The following KIF26B variants were observed in gnomAD, a reference collection of about 807,000 sequenced individuals.
The protein encoded by KIF26B is kinesin-like protein KIF26B.
In KIF26B, 63 loss-of-function variants were observed where a neutral mutation model predicts 151.2. The ratio of observed to expected loss-of-function variants is 0.42; its 90% confidence interval spans 0.34 to 0.51. KIF26B has a LOEUF of 0.51. Ranked by LOEUF, KIF26B falls within the 20% of genes least tolerant of loss-of-function variation. The pLI, the probability that KIF26B is intolerant of heterozygous loss-of-function variation, is 0.07. For synonymous variants in KIF26B, 1,357 were observed against 1,262.1 expected (o/e 1.08, Z -1.59); for missense variants, 2,813 against 2,913.6 (o/e 0.97, Z 0.79).
chr1:245,444,176 AGT>A (rs1659194194), intron 4 of KIF26B, among the ~76,000 whole-genome samples: 1 of 146,106 alleles, frequency 6.8e-6, no homozygotes, highest in African/African-American at 2.6e-5. Flanking sequence ...GTTCACCTAG[AGT>A]GGTCATCTCC....
chr1:245,377,859 G>A (rs568989231), intron 3 of KIF26B, among the ~76,000 whole-genome samples: 1 of 152,242 alleles, frequency 6.6e-6, no homozygotes, highest in Admixed American at 6.5e-5. Flanking sequence ...AGTCGAGAGA[G>A]GGAGGGACGT....
Position 245,218,297 on chromosome 1 carries a change from C to G in KIF26B, c.465+61614C>G, listed in dbSNP as rs1296718143. On this transcript the variant is annotated intron_variant, in intron 2 of 14. Transcript: ENST00000407071. The surrounding 1 kb of genome is among the most constrained non-coding windows in gnomAD (Gnocchi z 4.1). ...CCCCTCAGCAGATGGATCCCATCTC[C>G]TGGTCTGGTTAGCATAAGATAAACA... Among the ~76,000 whole-genome samples, 1 of 152,180 alleles carries G rather than the reference C, an allele frequency of 6.6e-6. No homozygotes were observed. Among genetic ancestry groups the G allele is most frequent in the Non-Finnish European group, 1.5e-5 (1 of 68,036 alleles).
intron 2 of KIF26B, among the ~76,000 whole-genome samples, chr1:245,224,246 C>G (rs1194437823): frequency 1.3e-5 from 2 of 150,346 alleles, no homozygotes; most frequent in African/African-American, 4.9e-5. Context: ...GATTGCGCCA[C>G]TGCACTCCAG....
At chr1:245,316,610 C>T (rs983144169) in intron 2 of KIF26B, among the ~76,000 whole-genome samples, 1 of 151,980 alleles carries the variant, frequency 6.6e-6, no homozygotes. Context: ...TAGTTGTAGC[C>T]TGTTTCCTAT....
At chr1:245,494,173 G>A (rs186784767) in intron 4 of KIF26B, among the ~76,000 whole-genome samples, 16 of 152,278 alleles carry the variant, frequency 1.1e-4, no homozygotes, top group East Asian at 5.8e-4. Context: ...GGGCATGGTG[G>A]TGGGAGCCTG....
chr1:245,470,338 C>T (rs113747300), intron 4 of KIF26B, among the ~76,000 whole-genome samples: 1 of 152,070 alleles, frequency 6.6e-6, no homozygotes, highest in Non-Finnish European at 1.5e-5. Flanking sequence ...GAAAAGAAAG[C>T]AGTGGATTCA....
chr1:245,217,972 C>A (rs1222734019), intron 2 of KIF26B, among the ~76,000 whole-genome samples: 1 of 152,192 alleles, frequency 6.6e-6, no homozygotes, highest in Non-Finnish European at 1.5e-5. Context: ...GCCTGAGATT[C>A]ATCAACTGCT....
At chr1:245,458,037 C>T (rs1049203542) in intron 4 of KIF26B, among the ~76,000 whole-genome samples, 4 of 152,118 alleles carry the variant, frequency 2.6e-5, no homozygotes, top group African/African-American at 9.7e-5. Flanking sequence ...GTAAATGATG[C>T]CAGTTAATAT....
chr1:245,409,545 C>T (rs531857952), intron 3 of KIF26B, among the ~76,000 whole-genome samples: 1 of 152,280 alleles, frequency 6.6e-6, no homozygotes, highest in East Asian at 1.9e-4. Flanking sequence ...CCTCCTAGGC[C>T]CTGCGTATCG....
intron 2 of KIF26B, among the ~76,000 whole-genome samples, chr1:245,185,563 CT>C (rs1668985870): frequency 6.6e-6 from 1 of 152,354 alleles, no homozygotes; most frequent in East Asian, 1.9e-4. Flanking sequence ...ACACTGTGGT[CT>C]GTCTTTTCTC....
intron 4 of KIF26B, among the ~76,000 whole-genome samples, chr1:245,427,932 C>A (rs528559294): frequency 6.6e-6 from 1 of 152,278 alleles, no homozygotes; most frequent in African/African-American, 2.4e-5. Context: ...ATTCACAGAA[C>A]CAGGGCGCCC....
intron 4 of KIF26B, among the ~76,000 whole-genome samples, chr1:245,444,164 C>CTGTTCACCTAGAGTGGTCATCTCCCTCAT (rs1659193338): frequency 1.3e-5 from 2 of 150,416 alleles, no homozygotes; most frequent in African/African-American, 4.9e-5. Flanking sequence ...ATCTCCCTCA[C>CTGTTCACCTAGAGTGGTCATCTCCCTCAT]TGTTCACCTA....
chr1:245,391,670 AAAAG>A (rs1558148272), intron 3 of KIF26B, among the ~76,000 whole-genome samples: 3 of 151,984 alleles, frequency 2.0e-5, no homozygotes, highest in South Asian at 2.1e-4. Flanking sequence ...AAAAAAAAAA[AAAAG>A]AGAGAGATTT....
chr1:245,691,359 A>T (rs1010058689), intron 12 of KIF26B, among the ~76,000 whole-genome samples: 3 of 152,214 alleles, frequency 2.0e-5, no homozygotes, highest in Non-Finnish European at 4.4e-5. Flanking sequence ...GGAGGAAAAC[A>T]GTGTAAAATT....
chr1:245,580,297 C>G (rs1208219856), intron 5 of KIF26B, among the ~76,000 whole-genome samples: 1 of 152,180 alleles, frequency 6.6e-6, no homozygotes, highest in Non-Finnish European at 1.5e-5. Flanking sequence ...TCCTCCCTCT[C>G]CTTCCCCAAG....
intron 2 of KIF26B, among the ~76,000 whole-genome samples, chr1:245,362,110 G>A (rs766164179): frequency 1.4e-5 from 2 of 147,436 alleles, no homozygotes; most frequent in Admixed American, 1.3e-4. Context: ...AGAGAGTCTC[G>A]CGGTGAGAAA....
At position 245,688,230 on chromosome 1, in the gene KIF26B, C is replaced by A; in HGVS notation, c.5247C>A (p.Ser1749=). Residue 1749 remains serine, a synonymous_variant, in exon 12 of 15, where the codon TCC becomes TCA. Transcript: ENST00000407071. Reference sequence around the variant, plus strand: ...CCAGCCCCAGAGCGCGCGGCCCGTCCGCCTCCACCACCAAAACCCTCAGCT... The same window carrying A: ...CCAGCCCCAGAGCGCGCGGCCCGTCAGCCTCCACCACCAAAACCCTCAGCT... ...LLASPRARGP[S]ASTTKTLSFS... 1 of 1,587,958 alleles carries A rather than the reference C, an allele frequency of 6.3e-7. No homozygotes were observed. Among genetic ancestry groups the A allele is most frequent in the Non-Finnish European group, 8.5e-7 (1 of 1,171,834 alleles).
At chr1:245,533,405 C>T (rs940606020) in intron 4 of KIF26B, among the ~76,000 whole-genome samples, 2 of 152,090 alleles carry the variant, frequency 1.3e-5, no homozygotes, top group Non-Finnish European at 2.9e-5. Flanking sequence ...TTGTAGAGCT[C>T]GAATGACCTC....
In KIF26B at chr1:245,166,288, TTTCC is replaced by T. The variant is rs1021054266; in HGVS notation, c.465+9618_465+9621del. ...CCTTCCTTCCCTCTTTCCTTCCTTT[TTTCC>T]TTCCTTCCTTCCATCTGACACGAAA... On this transcript the variant is annotated intron_variant, in intron 2 of 14. Transcript: ENST00000407071. The surrounding 1 kb of genome is among the most constrained non-coding windows in gnomAD (Gnocchi z 4.5). Among the ~76,000 whole-genome samples the T allele has an allele frequency of 6.6e-6, 1 of 152,148 alleles. No individual in the cohort carries two copies. The highest frequency in any genetic ancestry group is 1.5e-5 in the Non-Finnish European group (1 of 68,010).
Sources: gnomAD v4.1 joint callset for allele counts (sites outside exome capture counted in the v4.1 genomes callset) on GRCh38, gnomAD v4.1.1 for gene constraint, Gnocchi (gnomAD v3.1) non-coding constraint, MANE v1.5 for transcripts, NCBI Gene and HGNC (gene_info 2026-07-23, HGNC 2026-07-21) for gene names.